GPC6: variants seen among roughly 807,000 people sequenced by gnomAD.
GPC6 encodes glypican-6.
In GPC6, 14 loss-of-function variants were observed where a neutral mutation model predicts 55.2. That is an observed-to-expected ratio of 0.25 (90% CI 0.17 to 0.40). GPC6 has a LOEUF of 0.40. GPC6 is among the 10% of genes least tolerant of loss of function. The pLI is 1.00. For synonymous variants in GPC6, 278 were observed against 259.6 expected, an observed-to-expected ratio of 1.07 and a Z score of -0.68; for missense variants, 641 against 708.5, an observed-to-expected ratio of 0.90 and a Z score of 1.08.
chr13:94,095,019 T>G (rs1359081964), intron 4 of GPC6, among the ~76,000 whole-genome samples: 2 of 152,132 alleles, frequency 1.3e-5, no homozygotes, highest in African/African-American at 4.8e-5. Context: ...GGCAATCATA[T>G]TATCTACAGG....
chr13:94,190,420 G>C (rs948304745), intron 4 of GPC6, among the ~76,000 whole-genome samples: 1 of 152,100 alleles, frequency 6.6e-6, no homozygotes, highest in African/African-American at 2.4e-5. Flanking sequence ...GCATTCTCCA[G>C]GCTGCTGAGG....
chr13:93,583,146 C>T (rs1877014874), intron 2 of GPC6, among the ~76,000 whole-genome samples: 1 of 152,178 alleles, frequency 6.6e-6, no homozygotes, highest in African/African-American at 2.4e-5. Flanking sequence ...ACAGAGTATT[C>T]TTGACCCCAA....
At chr13:94,154,430 T>G (rs1887854924) in intron 4 of GPC6, 1 of 152,188 alleles carries the variant, frequency 6.6e-6, no homozygotes, top group African/African-American at 2.4e-5. Context: ...ACATGGAAGT[T>G]AACAAGAGCA....
chr13:93,664,716 C>A (rs1186182754), intron 2 of GPC6, among the ~76,000 whole-genome samples: 2 of 152,112 alleles, frequency 1.3e-5, no homozygotes, highest in Non-Finnish European at 2.9e-5. Context: ...CTCCCGGGTT[C>A]AAGCAATTCT....
intron 1 of GPC6, among the ~76,000 whole-genome samples, chr13:93,361,851 C>A (rs12872256): frequency 0.074 from 11,253 of 152,084 alleles, 494 homozygotes; most frequent in East Asian, 0.12. Context: ...TCCCTGGGTC[C>A]GTGCAGTCAA....
intron 3 of GPC6, among the ~76,000 whole-genome samples, chr13:93,976,347 A>G (rs1334703381): frequency 6.6e-6 from 1 of 152,006 alleles, no homozygotes; most frequent in Non-Finnish European, 1.5e-5. Flanking sequence ...TTGTTTATTT[A>G]TCTTTAAACT....
chr13:93,899,599 T>C (rs991501072), intron 3 of GPC6, among the ~76,000 whole-genome samples: 3 of 152,086 alleles, frequency 2.0e-5, no homozygotes, highest in Non-Finnish European at 4.4e-5. Flanking sequence ...TGCATATACA[T>C]ACACAGGAAC....
intron 1 of GPC6, among the ~76,000 whole-genome samples, chr13:93,533,438 A>G (rs991115551): frequency 8.5e-5 from 13 of 152,196 alleles, no homozygotes; most frequent in African/African-American, 2.9e-4. Flanking sequence ...ATTTGAGGAG[A>G]CATGTCGAAT....
chr13:93,886,344 G>A (rs1875322364), intron 3 of GPC6, among the ~76,000 whole-genome samples: 2 of 152,028 alleles, frequency 1.3e-5, no homozygotes, highest in Non-Finnish European at 1.5e-5. Flanking sequence ...ATCAGTGGTG[G>A]TATGTGTAGG....
chr13:93,622,716 T>C (rs1860295470), intron 2 of GPC6, among the ~76,000 whole-genome samples: 1 of 152,222 alleles, frequency 6.6e-6, no homozygotes, highest in African/African-American at 2.4e-5. Flanking sequence ...CTAATCAGGG[T>C]AATTACATTA....
chr13:93,901,199 T>C (rs1380764716), intron 3 of GPC6, among the ~76,000 whole-genome samples: 1 of 152,142 alleles, frequency 6.6e-6, no homozygotes, highest in Non-Finnish European at 1.5e-5. Context: ...TGCTTAGAAG[T>C]TCATCTTTCA....
At chr13:93,377,696 C>A (rs925286673) in intron 1 of GPC6, among the ~76,000 whole-genome samples, 1 of 152,114 alleles carries the variant, frequency 6.6e-6, no homozygotes, top group Non-Finnish European at 1.5e-5. Flanking sequence ...ATGTGTATCT[C>A]CTGATGAACA....
At chr13:93,706,223 A>G (rs1199927295) in intron 2 of GPC6, among the ~76,000 whole-genome samples, 2 of 151,906 alleles carry the variant, frequency 1.3e-5, no homozygotes, top group Non-Finnish European at 2.9e-5. Context: ...CAAAAATGCA[A>G]TTATTAGACA....
intron 1 of GPC6, among the ~76,000 whole-genome samples, chr13:93,484,912 G>A (rs1879643597): frequency 6.6e-6 from 1 of 152,118 alleles, no homozygotes; most frequent in South Asian, 2.1e-4. Context: ...TAATGAATTT[G>A]TAGAGTTATT....
intron 3 of GPC6, among the ~76,000 whole-genome samples, chr13:93,895,222 A>ATGTG (rs369480808): frequency 0.085 from 4,526 of 53,376 alleles, 443 homozygotes; most frequent in Non-Finnish European, 0.1. Context: ...GTGTGTATGT[A>ATGTG]TGTGTGTGTG....
In GPC6 at chr13:94,173,687, T is replaced by A. The variant is rs78262099; in HGVS notation, c.878-112662T>A. Reference sequence around the variant, plus strand: ...GGAGCCCGAACTCAAGTTGAGATTTTGAGAACATCACTAGTTCCAGTCACT... The same window carrying A: ...GGAGCCCGAACTCAAGTTGAGATTTAGAGAACATCACTAGTTCCAGTCACT... On this transcript the variant is annotated intron_variant, in intron 4 of 8. Transcript: ENST00000377047. 5.9e-5 allele frequency among the ~76,000 whole-genome samples: 9 copies of A among 152,294 alleles called. No individual in the cohort carries two copies. The East Asian group carries it at 1.5e-3, about 26-fold the overall frequency.
At chr13:94,282,815 G>A (rs1189264897) in intron 4 of GPC6, among the ~76,000 whole-genome samples, 1 of 152,176 alleles carries the variant, frequency 6.6e-6, no homozygotes, top group African/African-American at 2.4e-5. Flanking sequence ...TTAAATACTA[G>A]CTCTGGAAAC....
intron 2 of GPC6, among the ~76,000 whole-genome samples, chr13:93,621,453 A>G (rs1001530442): frequency 1.3e-5 from 2 of 152,160 alleles, no homozygotes; most frequent in African/African-American, 4.8e-5. Context: ...ATGTTTCTCA[A>G]ACTTGGTTGA....
At chr13:93,808,259 T>C (rs1394029608) in intron 2 of GPC6, among the ~76,000 whole-genome samples, 2 of 152,218 alleles carry the variant, frequency 1.3e-5, no homozygotes, top group African/African-American at 4.8e-5. Flanking sequence ...TTTCATCCTA[T>C]TCTGAATATT....
Sources: gnomAD v4.1 joint callset for allele counts (sites outside exome capture counted in the v4.1 genomes callset) on GRCh38, gnomAD v4.1.1 for gene constraint, MANE v1.5 for transcripts, NCBI Gene and HGNC (gene_info 2026-07-23, HGNC 2026-07-21) for gene names.